The following CWC27 variants were observed in gnomAD, a reference collection of about 807,000 sequenced individuals.
The protein encoded by CWC27 is CWC27 spliceosome associated cyclophilin.
Under a neutral mutation model 63.6 loss-of-function variants are expected in CWC27, and 47 were observed. That is an observed-to-expected ratio of 0.74 (90% confidence interval 0.58 to 0.94). CWC27 has a LOEUF of 0.94. Among genes scored for constraint, CWC27 ranks in the 40% least tolerant of loss-of-function variants. CWC27 has a pLI of 0.00. For synonymous variants in CWC27, 175 were observed against 179.8 expected (o/e 0.97, Z 0.22); for missense variants, 495 against 554.3 (o/e 0.89, Z 1.07).
intron 3 of CWC27, among the ~76,000 whole-genome samples, chr5:64,782,542 G>T (rs747638561): frequency 3.0e-4 from 45 of 149,942 alleles, no homozygotes; most frequent in Non-Finnish European, 6.4e-4. Flanking sequence ...TGCCAACATA[G>T]ATCTAAGAAG....
chr5:64,979,484 GCAA>G (rs1749291781), intron 13 of CWC27, among the ~76,000 whole-genome samples: 1 of 152,108 alleles, frequency 6.6e-6, no homozygotes. Flanking sequence ...AACCTGATAA[GCAA>G]CAACATCATT....
At chr5:65,009,939 G>A (rs1749916995) in intron 13 of CWC27, among the ~76,000 whole-genome samples, 1 of 152,210 alleles carries the variant, frequency 6.6e-6, no homozygotes, top group Admixed American at 6.5e-5. Context: ...AATCCATGAT[G>A]TTTGATCCTC....
At chr5:64,957,157 C>A (rs1228519282) in intron 11 of CWC27, among the ~76,000 whole-genome samples, 1 of 152,152 alleles carries the variant, frequency 6.6e-6, no homozygotes, top group Non-Finnish European at 1.5e-5. Context: ...AACAATAGAA[C>A]CCTCCTTTAA....
intron 10 of CWC27, among the ~76,000 whole-genome samples, chr5:64,829,392 T>A (rs1189535768): frequency 6.6e-6 from 1 of 152,136 alleles, no homozygotes; most frequent in African/African-American, 2.4e-5. Context: ...GATGTTAATT[T>A]TTCCCCAATT....
chr5:64,786,158 C>G (rs977109276), intron 5 of CWC27, among the ~76,000 whole-genome samples: 15 of 136,492 alleles, frequency 1.1e-4, no homozygotes, highest in Non-Finnish European at 2.2e-4. Context: ...GAGCAAGACT[C>G]CATCTCAAAA....
At chr5:64,769,490 T>A (rs1227157620) in intron 1 of CWC27, among the ~76,000 whole-genome samples, 1 of 152,150 alleles carries the variant, frequency 6.6e-6, no homozygotes, top group Non-Finnish European at 1.5e-5. Context: ...CATTTTTGAG[T>A]TTGATATATT....
chr5:64,845,336 C>A (rs1342488248), intron 10 of CWC27, among the ~76,000 whole-genome samples: 1 of 152,072 alleles, frequency 6.6e-6, no homozygotes. Flanking sequence ...CTACAAAGAA[C>A]AAAAGAAATC....
At chr5:64,781,456 G>A (rs978381818) in intron 2 of CWC27, among the ~76,000 whole-genome samples, 3 of 152,192 alleles carry the variant, frequency 2.0e-5, no homozygotes, top group African/African-American at 7.2e-5. Flanking sequence ...GGGTTTCTCA[G>A]TCTCCATACA....
chr5:64,868,111 A>G (rs1211670735), intron 10 of CWC27, among the ~76,000 whole-genome samples: 2 of 152,074 alleles, frequency 1.3e-5, no homozygotes, highest in Admixed American at 1.3e-4. Context: ...TACATTGAAA[A>G]TTCATCAAGA....
intron 11 of CWC27, among the ~76,000 whole-genome samples, chr5:64,902,717 G>A (rs1747536797): frequency 6.6e-6 from 1 of 152,030 alleles, no homozygotes; most frequent in South Asian, 2.1e-4. Context: ...ATGTCCATGT[G>A]AATTTTAGGA....
At chr5:64,915,252 TA>T (rs1747868328) in intron 11 of CWC27, among the ~76,000 whole-genome samples, 1 of 152,220 alleles carries the variant, frequency 6.6e-6, no homozygotes, top group South Asian at 2.1e-4. Context: ...TGGGCTTGTA[TA>T]TTTACAGTAG....
intron 11 of CWC27, among the ~76,000 whole-genome samples, chr5:64,960,900 A>G (rs970382644): frequency 2.7e-4 from 40 of 148,780 alleles, no homozygotes; most frequent in African/African-American, 9.9e-4. Flanking sequence ...CGCCTGCACC[A>G]CTACACCCAG....
At chr5:64,772,432 G>C (rs1307848048) in intron 1 of CWC27, among the ~76,000 whole-genome samples, 1 of 150,308 alleles carries the variant, frequency 6.7e-6, no homozygotes, top group Non-Finnish European at 1.5e-5. Context: ...GACCAATCTG[G>C]CCAACAGGGT....
At chr5:64,859,902 A>T (rs1285114423) in intron 10 of CWC27, among the ~76,000 whole-genome samples, 2 of 152,198 alleles carry the variant, frequency 1.3e-5, no homozygotes, top group African/African-American at 4.8e-5. Context: ...TGCTCTTTTG[A>T]AATAGTAGTA....
rs537793244 is a variant in CWC27 at position 64,784,690 on chromosome 5, A to G, written c.396+711A>G. 6.6e-5 allele frequency among the ~76,000 whole-genome samples: 10 copies of G among 152,352 alleles called. No homozygotes were observed. The South Asian group carries it at 1.9e-3, about 28-fold the overall frequency. ...AAGGGAAAAAAACAAATTCAGTACA[A>G]TTGGAAAGCTGGTGTTGTTTTAAAA... On this transcript the variant is annotated intron_variant, in intron 4 of 13. Coordinates refer to ENST00000381070, the MANE Select transcript of CWC27 (RefSeq NM_005869.4).
chr5:64,922,537 C>T (rs1233387294), intron 11 of CWC27, among the ~76,000 whole-genome samples: 1 of 152,196 alleles, frequency 6.6e-6, no homozygotes, highest in Non-Finnish European at 1.5e-5. Flanking sequence ...TATCAGTTTA[C>T]TGTTTTCCTT....
At chr5:64,991,996 G>T (rs1041906471) in intron 13 of CWC27, among the ~76,000 whole-genome samples, 1 of 152,104 alleles carries the variant, frequency 6.6e-6, no homozygotes, top group Non-Finnish European at 1.5e-5. Context: ...CTTGACTAAA[G>T]TAAGTATATA....
chr5:64,892,742 G>T (rs575257428), intron 11 of CWC27, among the ~76,000 whole-genome samples: 1 of 151,464 alleles, frequency 6.6e-6, no homozygotes, highest in South Asian at 2.1e-4. Context: ...TACAAATGCA[G>T]TTGAGACATG....
intron 11 of CWC27, among the ~76,000 whole-genome samples, chr5:64,945,789 C>A (rs16893255): frequency 0.067 from 10,130 of 152,118 alleles, 849 homozygotes; most frequent in African/African-American, 0.19. Context: ...ACTGTATAAT[C>A]CTTCATGTGA....
Sources: allele counts gnomAD v4.1 joint callset (sites outside exome capture counted in the v4.1 genomes callset), GRCh38; gene constraint gnomAD v4.1.1; transcripts MANE v1.5; gene names NCBI Gene and HGNC (gene_info 2026-07-23, HGNC 2026-07-21).